DLC1: variants seen among roughly 807,000 people sequenced by gnomAD.
The protein encoded by DLC1 is DLC1 Rho GTPase activating protein.
In DLC1, 54 loss-of-function variants were observed where a neutral mutation model predicts 140.3. The ratio of observed to expected loss-of-function variants is 0.38; its 90% confidence interval spans 0.31 to 0.48. The LOEUF (loss-of-function observed/expected upper bound fraction) is 0.48. Among genes scored for constraint, DLC1 ranks in the 20% least tolerant of loss-of-function variants. The probability of loss-of-function intolerance (pLI) is 0.96; values close to 1 mark genes in which losing one functional copy is unlikely to be tolerated. For missense variants in DLC1, 2,536 were observed against 1,907.0 expected (o/e 1.33, Z -6.14); for synonymous variants, 986 against 728.1 (o/e 1.35, Z -5.70).
intron 6 of DLC1, among the ~76,000 whole-genome samples, chr8:13,111,387 G>A (rs13249541): frequency 0.36 from 54,805 of 152,080 alleles, 12,070 homozygotes; most frequent in Middle Eastern, 0.51. Context: ...GGCCTTGCAG[G>A]AATTGATATA....
chr8:13,363,053 C>A (rs187334063), intron 4 of DLC1, among the ~76,000 whole-genome samples: 1 of 152,222 alleles, frequency 6.6e-6, no homozygotes, highest in East Asian at 1.9e-4. Context: ...TATGGGCATA[C>A]AATATTGGTC....
At chr8:13,457,660 G>T (rs1799462624) in intron 2 of DLC1, among the ~76,000 whole-genome samples, 1 of 108,722 alleles carries the variant, frequency 9.2e-6, no homozygotes, top group Non-Finnish European at 1.7e-5. Context: ...CTGGGTGACA[G>T]AGCAAGACTC....
intron 1 of DLC1, among the ~76,000 whole-genome samples, chr8:13,588,937 C>A (rs573600938): frequency 6.6e-6 from 1 of 152,202 alleles, no homozygotes; most frequent in African/African-American, 2.4e-5. Flanking sequence ...TACCCCAAGG[C>A]AGTCAAATGG....
chr8:13,243,154 G>C (rs548561949), intron 5 of DLC1, among the ~76,000 whole-genome samples: 1 of 152,086 alleles, frequency 6.6e-6, no homozygotes, highest in South Asian at 2.1e-4. Context: ...GCCAAGCATG[G>C]TGGCACATGC....
chr8:13,136,682 G>A (rs1020588396), intron 5 of DLC1, among the ~76,000 whole-genome samples: 1 of 152,116 alleles, frequency 6.6e-6, no homozygotes, highest in Non-Finnish European at 1.5e-5. Flanking sequence ...CTACAGGTGC[G>A]TGCCACCACA....
chr8:13,175,741 T>C (rs546987446), intron 5 of DLC1, among the ~76,000 whole-genome samples: 1 of 152,172 alleles, frequency 6.6e-6, no homozygotes, highest in African/African-American at 2.4e-5. Context: ...TTTCTTGTCT[T>C]GGTAGATAAT....
At chr8:13,268,761 C>T (rs1206885448) in intron 5 of DLC1, among the ~76,000 whole-genome samples, 1 of 151,910 alleles carries the variant, frequency 6.6e-6, no homozygotes, top group Non-Finnish European at 1.5e-5. Flanking sequence ...TTATAGGATA[C>T]TCTTGGCTCC....
At position 13,221,722 on chromosome 8, in the gene DLC1, GTGTGTATATATA is replaced by G. The variant is rs1460980708; in HGVS notation, c.1348+83535_1348+83546del. On this transcript the variant is annotated intron_variant, in intron 5 of 17. Transcript: ENST00000276297. Reference sequence around the variant, plus strand: ...TATATGTGTGTGTATATGTGTGTGTGTGTGTATATATATATATATATATGATAAACCATTATA... The same window carrying G: ...TATATGTGTGTGTATATGTGTGTGTGTATATATATATGATAAACCATTATA... Among the ~76,000 whole-genome samples the G allele has an allele frequency of 2.3e-5, 3 of 131,328 alleles. No individual in the cohort carries two copies. In the Admixed American group the frequency reaches 2.4e-4, roughly 11 times the overall value. 86.2% of individuals were successfully genotyped at this position (131,328 alleles called of 152,430 possible).
rs780612067 is a variant in DLC1, at chr8:13,499,761, G to C, written c.311C>G (p.Thr104Arg). 6.8e-6 allele frequency: 11 copies of C among 1,614,052 alleles called. No homozygotes were observed. The highest frequency in any genetic ancestry group is 9.3e-6 in the Non-Finnish European group (11 of 1,180,008). ...ATCAGAAACATGCACTAGTGTTTCTGTGCTGGCTTCCAGAGAAAGAAACTG... is the reference window on the plus strand; with the variant it reads ...ATCAGAAACATGCACTAGTGTTTCTCTGCTGGCTTCCAGAGAAAGAAACTG... Reference protein sequence around the residue: ...EDQFLSLEASTETLVHVSDED... With the variant: ...EDQFLSLEASRETLVHVSDED... The change falls in exon 2 of 18, where the codon ACA (threonine) becomes AGA (arginine). Residue 104 changes from threonine (T) to arginine (R), a missense_variant. Physicochemically the swap from Thr to Arg is moderately conservative, Grantham distance 71. Transcript: ENST00000276297.
intron 1 of DLC1, among the ~76,000 whole-genome samples, chr8:13,554,734 G>C (rs1469618046): frequency 6.6e-6 from 1 of 152,078 alleles, no homozygotes; most frequent in East Asian, 1.9e-4. Context: ...CTCTTGCTTG[G>C]ACTTTTGCTT....
At chr8:13,488,485 A>G (rs1801074541) in intron 2 of DLC1, among the ~76,000 whole-genome samples, 2 of 152,224 alleles carry the variant, frequency 1.3e-5, no homozygotes, top group Admixed American at 1.3e-4. Context: ...TAGCTAAAAA[A>G]TAGAAGTTTG....
intron 5 of DLC1, among the ~76,000 whole-genome samples, chr8:13,221,680 T>TTG (rs1299847221): frequency 1.9e-3 from 271 of 140,626 alleles, no homozygotes; most frequent in Non-Finnish European, 2.0e-3. Flanking sequence ...CCCAAAGATT[T>TTG]TGTGTGTGTG....
chr8:13,241,688 C>G (rs568208509), intron 5 of DLC1, among the ~76,000 whole-genome samples: 1 of 152,056 alleles, frequency 6.6e-6, no homozygotes, highest in Non-Finnish European at 1.5e-5. Context: ...CAAAGGATGC[C>G]GGTTGAGAAT....
chr8:13,100,604 G>A lies in DLC1; in HGVS notation c.1733C>T (p.Pro578Leu). The change falls in exon 9 of 18, where the codon CCC becomes CTC. Residue 578 changes from proline to leucine, a missense_variant. Pro to Leu is a moderately conservative substitution (Grantham distance 98). Transcript: ENST00000276297. ...GCTGAGGTCCATCAGCGTGCCTCCG[G>A]GGCTGGGGCCGTCCTTCGGGTGGGA... is the stretch of plus-strand genomic sequence containing the variant. The part of the protein sequence containing the change: ...DDSHPKDGPS[P>L]GGTLMDLSER... The A allele has an allele frequency of 6.2e-7, 1 of 1,614,066 alleles. No homozygotes were observed. Among genetic ancestry groups the A allele is most frequent in the Non-Finnish European group, 8.5e-7 (1 of 1,180,002 alleles).
chr8:13,500,100 G>A lies in DLC1; in HGVS notation c.-29C>T. 1.3e-6 allele frequency: 2 copies of A among 1,575,194 alleles called. No individual in the cohort carries two copies. The highest frequency in any genetic ancestry group is 1.1e-5 in the South Asian group (1 of 88,648). On this transcript the variant is annotated 5_prime_UTR_variant, in exon 2 of 18. Coordinates refer to ENST00000276297, the MANE Select transcript of DLC1 (RefSeq NM_182643.3). ...ATCGTAGTTTAACAACAGACAGAGAGATATATTCCATATGAGGGTAAAGGA... is the reference window on the plus strand; with the variant it reads ...ATCGTAGTTTAACAACAGACAGAGAAATATATTCCATATGAGGGTAAAGGA...
intron 4 of DLC1, among the ~76,000 whole-genome samples, chr8:13,390,824 A>T (rs113259579): frequency 0.15 from 23,319 of 151,782 alleles, 1,896 homozygotes; most frequent in South Asian, 0.18. Flanking sequence ...TCTCTCTACT[A>T]AAAATACAAA....
chr8:13,241,744 G>C (rs1249231985), intron 5 of DLC1, among the ~76,000 whole-genome samples: 1 of 152,170 alleles, frequency 6.6e-6, no homozygotes, highest in Non-Finnish European at 1.5e-5. Context: ...TTCTTCCATG[G>C]AGATCCTGCT....
chr8:13,420,398 C>G lies in DLC1; in HGVS notation c.1024-18779G>C, dbSNP rs549471847. Among the ~76,000 whole-genome samples, 5 of 152,154 alleles carry G rather than the reference C, an allele frequency of 3.3e-5. No homozygotes were observed. In the South Asian group the frequency reaches 8.3e-4, roughly 25 times the overall value. Reference sequence around the variant, plus strand: ...ATTATATGAAATTGCCAATAACTGACTATTTTTTTTAAACTTAAGTTCTGG... The same window carrying G: ...ATTATATGAAATTGCCAATAACTGAGTATTTTTTTTAAACTTAAGTTCTGG... On this transcript the variant is annotated intron_variant, in intron 2 of 17. Transcript: ENST00000276297.
At chr8:13,094,536 C>T (rs948070196) in intron 12 of DLC1, among the ~76,000 whole-genome samples, 12 of 152,224 alleles carry the variant, frequency 7.9e-5, no homozygotes, top group African/African-American at 2.6e-4. Context: ...CGTGGTGGCG[C>T]CCTCCTGTAG....
Sources: gnomAD v4.1 joint callset for allele counts (sites outside exome capture counted in the v4.1 genomes callset) on GRCh38, gnomAD v4.1.1 for gene constraint, MANE v1.5 for transcripts, NCBI Gene and HGNC (gene_info 2026-07-23, HGNC 2026-07-21) for gene names.